The following FBXL2 variants were observed in gnomAD, a reference collection of about 807,000 sequenced individuals.
FBXL2 encodes the protein F-box and leucine rich repeat protein 2.
FBXL2 carries 38 observed loss-of-function variants against 69.2 expected under a neutral mutation model. The ratio of observed to expected loss-of-function variants is 0.55; its 90% CI spans 0.42 to 0.72. FBXL2 has a LOEUF of 0.72. FBXL2 is among the 30% of genes least tolerant of loss of function. The probability of loss-of-function intolerance (pLI) is 0.00; values close to 1 mark genes in which losing one functional copy is unlikely to be tolerated. For missense variants in FBXL2, 354 were observed against 520.3 expected, an observed-to-expected ratio of 0.68 and a Z score of 3.11; for synonymous variants, 192 against 201.3, an observed-to-expected ratio of 0.95 and a Z score of 0.39.
At chr3:33,404,555 G>C (rs1268737367), downstream of FBXL2, among the ~76,000 whole-genome samples, 14 of 151,868 alleles carry the variant, frequency 9.2e-5, no homozygotes, top group Non-Finnish European at 2.9e-5. Context: ...TCTGAGACAG[G>C]AGAATTGCTT....
At chr3:33,307,703 A>T (rs1182193102) in intron 2 of FBXL2, among the ~76,000 whole-genome samples, 1 of 151,864 alleles carries the variant, frequency 6.6e-6, no homozygotes, top group Non-Finnish European at 1.5e-5. Flanking sequence ...TATATATATA[A>T]TATATTAAAT....
At chr3:33,420,401 C>T in the FBXL2 span, among the ~76,000 whole-genome samples, 31 of 152,020 alleles carry the variant, frequency 2.0e-4, no homozygotes, top group African/African-American at 7.0e-4. Context: ...TCTGGGCTCA[C>T]TGCAACCTCC....
intron 2 of FBXL2, among the ~76,000 whole-genome samples, chr3:33,306,360 C>T (rs368279399): frequency 6.6e-6 from 1 of 152,090 alleles, no homozygotes; most frequent in South Asian, 2.1e-4. Flanking sequence ...TAAACTTTGC[C>T]AGTCACCAAA....
intron 1 of FBXL2, among the ~76,000 whole-genome samples, chr3:33,290,242 G>A (rs1240224232): frequency 2.0e-5 from 3 of 152,166 alleles, no homozygotes; most frequent in African/African-American, 7.2e-5. Flanking sequence ...GGCAATCATG[G>A]ACTAACACTA....
intron 12 of FBXL2, among the ~76,000 whole-genome samples, chr3:33,402,537 T>A (rs2044267154): frequency 6.6e-6 from 1 of 152,146 alleles, no homozygotes; most frequent in African/African-American, 2.4e-5. Flanking sequence ...AAAGAATATA[T>A]CTTGGCTATG....
intron 2 of FBXL2, among the ~76,000 whole-genome samples, chr3:33,357,236 C>A (rs1178240024): frequency 6.6e-6 from 1 of 152,164 alleles, no homozygotes; most frequent in Non-Finnish European, 1.5e-5. Context: ...AGGGAAACAG[C>A]TAACTCTTTT....
intron 12 of FBXL2, among the ~76,000 whole-genome samples, chr3:33,394,472 T>C (rs937664176): frequency 6.6e-6 from 1 of 151,844 alleles, no homozygotes; most frequent in African/African-American, 2.4e-5. Flanking sequence ...AAAGCTAATA[T>C]AAACAATGAA....
At chr3:33,365,175 A>T (rs2041871061) in intron 5 of FBXL2, among the ~76,000 whole-genome samples, 1 of 152,152 alleles carries the variant, frequency 6.6e-6, no homozygotes, top group Non-Finnish European at 1.5e-5. Context: ...AATTTTGCTT[A>T]CTCATAATGA....
intron 2 of FBXL2, among the ~76,000 whole-genome samples, chr3:33,343,957 A>C (rs1437030043): frequency 6.6e-6 from 1 of 152,060 alleles, no homozygotes; most frequent in Non-Finnish European, 1.5e-5. Flanking sequence ...AGCATTTATA[A>C]GGTATCATTA....
At chr3:33,369,471 C>T (rs1462707772) in intron 5 of FBXL2, among the ~76,000 whole-genome samples, 1 of 152,124 alleles carries the variant, frequency 6.6e-6, no homozygotes, top group Non-Finnish European at 1.5e-5. Context: ...TTAGTACAGT[C>T]TACCTTCATA....
downstream of FBXL2, among the ~76,000 whole-genome samples, chr3:33,404,434 T>C (rs1196291565): frequency 6.8e-6 from 1 of 147,688 alleles, no homozygotes; most frequent in African/African-American, 2.5e-5. Context: ...AATAGATAAA[T>C]AAGTAAATAT....
rs538190038 is a variant in FBXL2 at position 33,329,415 on chromosome 3, G to A, written c.66-29552G>A. 1.4e-3 allele frequency among the ~76,000 whole-genome samples: 217 copies of A among 152,018 alleles called. 2 individuals are homozygous for A. The highest frequency in any genetic ancestry group is 1.4e-3 in the Non-Finnish European group (96 of 68,008). ...ATGTGATCCAGTAATTCCACCACTG[G>A]ATATATATCCGAAAGAAAGAAAATT... On this transcript the variant is annotated intron_variant, in intron 2 of 14. Coordinates refer to ENST00000484457, the MANE Select transcript of FBXL2 (RefSeq NM_012157.5).
At chr3:33,334,201 A>G (rs151269092) in intron 2 of FBXL2, among the ~76,000 whole-genome samples, 40 of 152,350 alleles carry the variant, frequency 2.6e-4, no homozygotes, top group African/African-American at 7.5e-4. Flanking sequence ...TTAACAAGAG[A>G]AAATAGTCAA....
At position 33,387,849 on chromosome 3, in the gene FBXL2, G is replaced by C. The variant is rs1025647337; in HGVS notation, c.*2241G>C. ...TTTGGGAGGCAGAGGCGGGCGGATC[G>C]TGAGATCAGGAGATCAAGACCATCC... On this transcript the variant is annotated 3_prime_UTR_variant, in exon 15 of 15. Coordinates refer to ENST00000484457, the MANE Select transcript of FBXL2 (RefSeq NM_012157.5). The C allele has an allele frequency of 1.3e-5, 2 of 151,938 alleles. No homozygotes were observed. Among genetic ancestry groups the C allele is most frequent in the Non-Finnish European group, 2.9e-5 (2 of 68,056 alleles). The allele number at this position is 151,938 out of a possible 1,614,324, so 9.4% of individuals were successfully genotyped here.
chr3:33,376,741 C>T (rs1167876021), intron 10 of FBXL2, among the ~76,000 whole-genome samples: 1 of 152,178 alleles, frequency 6.6e-6, no homozygotes, highest in Non-Finnish European at 1.5e-5. Flanking sequence ...TGGCTCATGC[C>T]TGTAATCCCA....
At chr3:33,368,641 CTGGAGTGCAG>C (rs750296790) in intron 5 of FBXL2, among the ~76,000 whole-genome samples, 1 of 152,102 alleles carries the variant, frequency 6.6e-6, no homozygotes, top group African/African-American at 2.4e-5. Context: ...GTCGCCCAGG[CTGGAGTGCAG>C]TGGAGTGCAG....
the FBXL2 span, chr3:33,409,240 G>C: frequency 6.2e-7 from 1 of 1,613,700 alleles, no homozygotes; most frequent in Admixed American, 1.7e-5. Context: ...CATTACCTCT[G>C]TGAGGATTGT....
At chr3:33,411,540 T>TCTAG in the FBXL2 span, 1 of 1,549,750 alleles carries the variant, frequency 6.5e-7, no homozygotes, top group Admixed American at 1.7e-5. Flanking sequence ...ATGACCTAAA[T>TCTAG]AACTAGGTTA....
the FBXL2 span, among the ~76,000 whole-genome samples, chr3:33,413,364 G>A: frequency 2.0e-5 from 3 of 151,564 alleles, no homozygotes; most frequent in Non-Finnish European, 4.4e-5. Context: ...TGGCTAACAC[G>A]GTGAAACCCC....
Sources: allele counts gnomAD v4.1 joint callset (sites outside exome capture counted in the v4.1 genomes callset), GRCh38; gene constraint gnomAD v4.1.1; transcripts MANE v1.5; gene names NCBI Gene and HGNC (gene_info 2026-07-23, HGNC 2026-07-21).